Variants in PIK3R4 observed in about 807,000 individuals in gnomAD.
PIK3R4 encodes phosphoinositide 3-kinase regulatory subunit 4.
Under a neutral mutation model 136.5 loss-of-function variants are expected in PIK3R4, and 46 were observed. That is an observed-to-expected ratio of 0.34 (90% CI 0.27 to 0.43). The LOEUF (loss-of-function observed/expected upper bound fraction) is 0.43. Among genes scored for constraint, PIK3R4 ranks in the 20% least tolerant of loss-of-function variants. The pLI is 1.00. For synonymous variants in PIK3R4, 557 were observed against 566.7 expected, an observed-to-expected ratio of 0.98 and a Z score of 0.24; for missense variants, 1,331 against 1,649.5, an observed-to-expected ratio of 0.81 and a Z score of 3.35.
At chr3:130,705,853 A>G in intron 11 of PIK3R4, 82 bp from the exon 12 acceptor site, 1 of 727,898 alleles carries the variant, frequency 1.4e-6, no homozygotes, top group South Asian at 1.9e-5. Context: ...GTTTTTATCT[A>G]TAAATTATAA....
chr3:130,714,957 A>G (rs1259420189), intron 9 of PIK3R4, among the ~76,000 whole-genome samples: 1 of 152,124 alleles, frequency 6.6e-6, no homozygotes, highest in East Asian at 1.9e-4. Flanking sequence ...CTTTGGGTAT[A>G]TGTCCAGTAA....
At position 130,680,965 on chromosome 3, in the gene PIK3R4, G is replaced by T; in HGVS notation, c.3797+12C>A. 7.6e-7 allele frequency: 1 copy of T among 1,320,676 alleles called. No individual in the cohort carries two copies. Among genetic ancestry groups the T allele is most frequent in the Non-Finnish European group, 1.1e-6 (1 of 930,796 alleles). The allele number at this position is 1,320,676 out of a possible 1,614,324, so 81.8% of individuals were successfully genotyped here. On this transcript the variant is annotated intron_variant, in intron 18 of 19. Transcript: ENST00000356763. ...AAAGTATCCATTTTATTAAAGTATT[G>T]AGATAGTGTACCTTATTTTCATATC... is the stretch of plus-strand genomic sequence containing the variant.
intron 12 of PIK3R4, among the ~76,000 whole-genome samples, chr3:130,705,130 C>CT (rs2066599423): frequency 6.6e-6 from 1 of 152,106 alleles, no homozygotes; most frequent in Non-Finnish European, 1.5e-5. Flanking sequence ...CACAACCAGC[C>CT]TGTTTTCTTT....
chr3:130,727,286 T>C (rs2066737330), intron 6 of PIK3R4, among the ~76,000 whole-genome samples: 1 of 151,684 alleles, frequency 6.6e-6, no homozygotes, highest in South Asian at 2.1e-4. Context: ...AGTGGCGCAA[T>C]CTCAGCTCAC....
chr3:130,717,716 G>C (rs1559826527), intron 8 of PIK3R4, among the ~76,000 whole-genome samples: 1 of 152,204 alleles, frequency 6.6e-6, no homozygotes, highest in Non-Finnish European at 1.5e-5. Context: ...AGAGGTGTGT[G>C]AATTCCAAAT....
chr3:130,739,403 A>G (rs1288014588), intron 2 of PIK3R4, among the ~76,000 whole-genome samples: 1 of 151,258 alleles, frequency 6.6e-6, no homozygotes, highest in East Asian at 1.9e-4. Context: ...ACAAGGTCTC[A>G]CTCTGTCACC....
chr3:130,744,544 T>A lies in PIK3R4; in HGVS notation c.675A>T (p.Leu225Phe). 2 of 1,614,200 alleles carry A rather than the reference T, an allele frequency of 1.2e-6. No homozygotes were observed. The highest frequency in any genetic ancestry group is 8.5e-7 in the Non-Finnish European group (1 of 1,180,020). Reference protein sequence around the residue: ...MRDPSTPLVDLNSNQRTRGEL... With the variant: ...MRDPSTPLVDFNSNQRTRGEL... ...CTCCTCTTGTTCTCTGATTGCTATTTAAGTCTACAAGCGGAGTTGAAGGAT... is the reference window on the plus strand; with the variant it reads ...CTCCTCTTGTTCTCTGATTGCTATTAAAGTCTACAAGCGGAGTTGAAGGAT... Residue 225 changes from leucine to phenylalanine, a missense_variant, in exon 2 of 20, where the codon TTA becomes TTT. This residue lies in a region of PIK3R4 where 1,180 missense variants were observed against 1,407.0 expected (regional missense o/e 0.84). Transcript: ENST00000356763.
In PIK3R4 at chr3:130,730,377, T is replaced by C. The variant is rs2066754819; in HGVS notation, c.1516A>G (p.Asn506Asp). 1.9e-6 allele frequency: 3 copies of C among 1,602,038 alleles called. No individual in the cohort carries two copies. Among genetic ancestry groups the C allele is most frequent in the Non-Finnish European group, 2.6e-6 (3 of 1,172,892 alleles). Reference protein sequence around the residue: ...FLELVQLKNLNMENDPNNEEI... With the variant: ...FLELVQLKNLDMENDPNNEEI... ...TCATTATTGGGGTCATTTTCCATATTAAGATTTTTTAACTGTACTAATTCC... is the reference window on the plus strand; with the variant it reads ...TCATTATTGGGGTCATTTTCCATATCAAGATTTTTTAACTGTACTAATTCC... The change falls in exon 5 of 20, where the codon AAT (asparagine) becomes GAT (aspartate). Residue 506 changes from asparagine to aspartate, a missense_variant. By Grantham distance (23) the Asn-to-Asp change is conservative (BLOSUM62 1). Coordinates refer to ENST00000356763, the MANE Select transcript of PIK3R4 (RefSeq NM_014602.3).
At chr3:130,730,215 A>G in intron 5 of PIK3R4, 93 bp downstream of exon 5, 1 of 1,011,028 alleles carries the variant, frequency 9.9e-7, no homozygotes, top group Non-Finnish European at 1.5e-6. Context: ...GTATTCCTTC[A>G]CCTTACATGA....
At chr3:130,728,975 A>T (rs563425402) in intron 5 of PIK3R4, among the ~76,000 whole-genome samples, 19 of 152,324 alleles carry the variant, frequency 1.2e-4, no homozygotes, top group Non-Finnish European at 2.5e-4. Context: ...AATTATAGAG[A>T]AGCACCAGAA....
chr3:130,694,039 C>A (rs764004236), intron 13 of PIK3R4, among the ~76,000 whole-genome samples: 1 of 151,916 alleles, frequency 6.6e-6, no homozygotes, highest in Non-Finnish European at 1.5e-5. Context: ...TATCCTGACA[C>A]CTCTGTCAAA....
At position 130,715,468 on chromosome 3, in the gene PIK3R4, T is replaced by C. The variant is rs111384045; in HGVS notation, c.2331+928A>G. On this transcript the variant is annotated intron_variant, in intron 9 of 19. Coordinates refer to ENST00000356763, the MANE Select transcript of PIK3R4 (RefSeq NM_014602.3). ...AACTGCCATTCTGACTGGCATGAGA[T>C]GGTGTCTCATTGTGGTTTTGATTTG... Among the ~76,000 whole-genome samples, 1,190 of 152,230 alleles carry C rather than the reference T, an allele frequency of 7.8e-3. 16 individuals carry two copies. The highest frequency in any genetic ancestry group is 0.027 in the African/African-American group (1,122 of 41,538).
intron 13 of PIK3R4, among the ~76,000 whole-genome samples, chr3:130,691,228 C>T (rs956556821): frequency 8.5e-5 from 13 of 152,132 alleles, no homozygotes; most frequent in African/African-American, 2.7e-4. Flanking sequence ...TATCACACAG[C>T]TTGGCACAGA....
At chr3:130,685,321 G>A (rs527287498) in intron 15 of PIK3R4, among the ~76,000 whole-genome samples, 3 of 152,076 alleles carry the variant, frequency 2.0e-5, no homozygotes, top group Admixed American at 6.6e-5. Flanking sequence ...TTGTTAGTTT[G>A]ATTTAATCAT....
intron 6 of PIK3R4, among the ~76,000 whole-genome samples, chr3:130,727,333 G>C (rs2066737744): frequency 7.0e-6 from 1 of 143,758 alleles, no homozygotes; most frequent in South Asian, 2.4e-4. Flanking sequence ...CCATTCTCCT[G>C]CCTCAGCCCC....
At position 130,746,789 on chromosome 3, in the gene PIK3R4, A is replaced by C. The variant is rs1258465467; in HGVS notation, c.-518T>G. On this transcript the variant is annotated 5_prime_UTR_variant, in exon 1 of 20. Coordinates refer to ENST00000356763, the MANE Select transcript of PIK3R4 (RefSeq NM_014602.3). The stretch of plus-strand genomic sequence containing the variant: ...ACTACACTTCAGCTGCTGCAGCCCC[A>C]GCAAACGCCGAACTCCCGGGAAAGC... 1.2e-4 allele frequency: 18 copies of C among 152,318 alleles called. No individual in the cohort carries two copies. Among genetic ancestry groups the C allele is most frequent in the Admixed American group, 1.1e-3 (17 of 15,280 alleles). 9.4% of individuals were successfully genotyped at this position (152,318 alleles called of 1,614,324 possible).
intron 2 of PIK3R4, among the ~76,000 whole-genome samples, chr3:130,739,365 C>T (rs1410745166): frequency 5.3e-5 from 8 of 152,018 alleles, no homozygotes; most frequent in African/African-American, 9.7e-5. Context: ...CGTGAGCGAC[C>T]GCGCTGGCCT....
chr3:130,734,140 G>C lies in PIK3R4; in HGVS notation c.868-10C>G. 1.3e-6 allele frequency: 2 copies of C among 1,570,230 alleles called. No individual in the cohort carries two copies. The highest frequency in any genetic ancestry group is 1.7e-6 in the Non-Finnish European group (2 of 1,157,814). On this transcript the variant is annotated splice_polypyrimidine_tract_variant and intron_variant, in intron 3 of 19. Transcript: ENST00000356763. ...GAATCATCTGAGTTACCTATACCAA[G>C]GGAAGAAAAGGAATTAAAATAGATT...
chr3:130,735,272 C>T (rs1430265325), intron 3 of PIK3R4, among the ~76,000 whole-genome samples: 2 of 152,168 alleles, frequency 1.3e-5, no homozygotes, highest in African/African-American at 4.8e-5. Flanking sequence ...AGAGTCATCA[C>T]CACAATATCA....
Sources: gnomAD v4.1 joint callset for allele counts (sites outside exome capture counted in the v4.1 genomes callset) on GRCh38, gnomAD v4.1.1 for gene constraint, gnomAD v4.1.1 regional missense constraint, MANE v1.5 for transcripts, NCBI Gene and HGNC (gene_info 2026-07-23, HGNC 2026-07-21) for gene names.